The following POFUT1 variants were observed in gnomAD, a reference collection of about 807,000 sequenced individuals.
POFUT1 encodes GDP-fucose protein O-fucosyltransferase 1.
A neutral mutation model predicts 42.4 loss-of-function variants in POFUT1; 16 were observed. The ratio of observed to expected loss-of-function variants is 0.38; its 90% CI spans 0.26 to 0.57. POFUT1 has a LOEUF of 0.57. POFUT1 is among the 20% of genes least tolerant of loss of function. The probability of loss-of-function intolerance (pLI) is 0.71; values close to 1 mark genes in which losing one functional copy is unlikely to be tolerated. For missense variants in POFUT1, 470 were observed against 504.6 expected (o/e 0.93, Z 0.66); for synonymous variants, 206 against 205.4 (o/e 1.00, Z -0.03).
At position 32,216,531 on chromosome 20, in the gene POFUT1, C is replaced by G. The variant is rs146193137; in HGVS notation, c.430-78C>G. ...CTGAGTCACATCACCCAGCTTCCCC[C>G]ACCTACACTTCCCTGGCCCCATCCC... On this transcript the variant is annotated intron_variant, in intron 3 of 6. Transcript: ENST00000375749. 4,125 of 840,860 alleles carry G rather than the reference C, an allele frequency of 4.9e-3. 77 individuals are homozygous for G. The highest frequency in any genetic ancestry group is 0.037 in the South Asian group (2,569 of 70,254). 52.1% of individuals were successfully genotyped at this position (840,860 alleles called of 1,614,324 possible).
rs1337685205 is a variant in POFUT1, at chr20:32,215,298, G to C, written c.276G>C (p.Lys92Asn). The C allele has an allele frequency of 1.9e-6, 3 of 1,613,402 alleles. No individual in the cohort carries two copies. In the African/African-American group the frequency reaches 4.0e-5, roughly 22 times the overall value. The stretch of plus-strand genomic sequence containing the variant: ...ATGTGTCCTACCAGAAGTACTTCAA[G>C]CTGGAGCCCCTCCAGGCTTACCATC... Reference protein sequence around the residue: ...NLHVSYQKYFKLEPLQAYHRV... With the variant: ...NLHVSYQKYFNLEPLQAYHRV... Residue 92 changes from lysine to asparagine, a missense_variant, in exon 3 of 7, where the codon AAG (lysine) becomes AAC (asparagine). Lys to Asn is a moderately conservative substitution (Grantham distance 94). Transcript: ENST00000375749.
intron 4 of POFUT1, among the ~76,000 whole-genome samples, 166 bp from the exon 5 acceptor site, chr20:32,228,097 C>T (rs6058567): frequency 6.6e-6 from 1 of 152,198 alleles, no homozygotes; most frequent in Non-Finnish European, 1.5e-5. Flanking sequence ...ACCAAGGTTC[C>T]TTATCAGCCC....
chr20:32,222,515 A>G, intron 4 of POFUT1: 1 of 744,398 alleles, frequency 1.3e-6, no homozygotes, highest in East Asian at 1.3e-4. Flanking sequence ...ATTGGCTAGT[A>G]CGAGGGCACA....
At chr20:32,216,845 T>A (rs2047363899) in intron 4 of POFUT1, 124 bp downstream of exon 4, 1 of 1,423,026 alleles carries the variant, frequency 7.0e-7, no homozygotes, top group Middle Eastern at 1.9e-4. Context: ...GTGCAGGTGC[T>A]CTGTCTGTTG....
At chr20:32,213,135 C>G (rs2047339058) in intron 2 of POFUT1, among the ~76,000 whole-genome samples, 1 of 152,206 alleles carries the variant, frequency 6.6e-6, no homozygotes, top group Non-Finnish European at 1.5e-5. Flanking sequence ...ATCCATCCGC[C>G]TCAGCCTCCC....
At chr20:32,216,999 C>T in intron 4 of POFUT1, 1 of 1,613,118 alleles carries the variant, frequency 6.2e-7, no homozygotes, top group South Asian at 1.1e-5. Context: ...TCTCAATTTC[C>T]TCCTCTAGGC....
rs563809285 is a variant in POFUT1, at chr20:32,231,066, G to A, written c.978+5G>A. ...CAACAGCTCTTCAAAGGGAAGGTAT[G>A]TGTGGGCCAAGTGGGAGTGCAGTAG... On this transcript the variant is annotated splice_donor_5th_base_variant and intron_variant, in intron 6 of 6. Coordinates refer to ENST00000375749, the MANE Select transcript of POFUT1 (RefSeq NM_015352.2). 2 of 1,614,110 alleles carry A rather than the reference G, an allele frequency of 1.2e-6. No homozygotes were observed. Among genetic ancestry groups the A allele is most frequent in the Non-Finnish European group, 8.5e-7 (1 of 1,180,012 alleles).
In POFUT1 at chr20:32,217,721, C is replaced by T. The variant is rs1438463522; in HGVS notation, c.542+1000C>T. The T allele has an allele frequency of 3.0e-6, 3 of 985,292 alleles. No individual in the cohort carries two copies. In the African/African-American group the frequency reaches 5.2e-5, roughly 17 times the overall value. 61.0% of individuals were successfully genotyped at this position (985,292 alleles called of 1,614,324 possible). A position where few individuals can be genotyped will look rare whatever the true frequency, so the allele number is the denominator to read the frequency against. The stretch of plus-strand genomic sequence containing the variant: ...ACACTAAGCAGCCAGCCAGTGTTGG[C>T]TGTCAGTGTTATTACTCACATGCTT... On this transcript the variant is annotated intron_variant, in intron 4 of 6. Coordinates refer to ENST00000375749, the MANE Select transcript of POFUT1 (RefSeq NM_015352.2).
At chr20:32,223,256 T>C in intron 4 of POFUT1, 1 of 985,446 alleles carries the variant, frequency 1.0e-6, no homozygotes, top group East Asian at 1.1e-4. Flanking sequence ...GAGGTGGTGC[T>C]GGTCAAGATT....
chr20:32,228,266 T>G lies in POFUT1; in HGVS notation c.546T>G (p.Phe182Leu), dbSNP rs747113854. 1.2e-6 allele frequency: 2 copies of G among 1,612,908 alleles called. No individual in the cohort carries two copies. The highest frequency in any genetic ancestry group is 3.3e-5 in the Admixed American group (2 of 59,880). Residue 182 changes from phenylalanine (F) to leucine (L), a missense_variant, in exon 5 of 7, where the codon TTT becomes TTG. Physicochemically the swap from Phe to Leu is conservative, Grantham distance 22 (BLOSUM62 0). Coordinates refer to ENST00000375749, the MANE Select transcript of POFUT1 (RefSeq NM_015352.2). ...ASYREQWSQR[F>L]SPKEHPVLAL... is the part of the protein sequence containing the mutation. ...CCTCATTCCATCTCCTGTCTAGATT[T>G]TCTCCAAAGGAACATCCGGTGCTTG...
chr20:32,217,790 T>G, intron 4 of POFUT1: 1 of 964,718 alleles, frequency 1.0e-6, no homozygotes. Flanking sequence ...GTGGGTATTA[T>G]TATCAATTTC....
At chr20:32,226,452 C>CTGTGTGTG (rs33999719) in intron 4 of POFUT1, among the ~76,000 whole-genome samples, 1,641 of 147,720 alleles carry the variant, frequency 0.011, 43 homozygotes, top group Admixed American at 0.063. Flanking sequence ...GAGTGCATGC[C>CTGTGTGTG]TGTGTGTGTG....
chr20:32,215,252 T>C lies in POFUT1; in HGVS notation c.247-17T>C, dbSNP rs2047352900. The C allele has an allele frequency of 6.3e-7, 1 of 1,597,984 alleles. No homozygotes were observed. Among genetic ancestry groups the C allele is most frequent in the Non-Finnish European group, 8.6e-7 (1 of 1,166,678 alleles). ...GGGGGCACTGAGACGGGACCTCTGC[T>C]CCTCCTTTTCCTGTAGCTCCATGTG... On this transcript the variant is annotated splice_polypyrimidine_tract_variant and intron_variant, in intron 2 of 6. Coordinates refer to ENST00000375749, the MANE Select transcript of POFUT1 (RefSeq NM_015352.2).
chr20:32,223,457 AT>A (rs2047400094), intron 4 of POFUT1: 2 of 985,240 alleles, frequency 2.0e-6, no homozygotes, highest in Non-Finnish European at 2.4e-6. Flanking sequence ...CAAGTCTGGA[AT>A]TCACCGAAGG....
At chr20:32,211,388 C>T (rs548358207) in intron 2 of POFUT1, among the ~76,000 whole-genome samples, 1 of 152,228 alleles carries the variant, frequency 6.6e-6, no homozygotes, top group South Asian at 2.1e-4. Flanking sequence ...ATTCTCCTGC[C>T]TCAGCCTCCT....
intron 3 of POFUT1, 103 bp from the exon 4 acceptor site, chr20:32,216,506 C>A: frequency 1.4e-6 from 1 of 716,742 alleles, no homozygotes; most frequent in Non-Finnish European, 2.5e-6. Flanking sequence ...GTGTTTTGGC[C>A]TGAGTCACAT....
At chr20:32,217,416 T>G in intron 4 of POFUT1, 2 of 1,024,556 alleles carry the variant, frequency 2.0e-6, no homozygotes, top group Non-Finnish European at 2.3e-6. Context: ...ACATACTAAT[T>G]CATGTGCGGT....
At chr20:32,222,645 C>G in intron 4 of POFUT1, 4 of 985,394 alleles carry the variant, frequency 4.1e-6, no homozygotes, top group South Asian at 4.7e-5. Context: ...TGCCACGTAT[C>G]CAGCTGAAAA....
rs554005209 is a variant in POFUT1, at chr20:32,222,235, G to A, written c.542+5514G>A. Among the ~76,000 whole-genome samples the A allele has an allele frequency of 4.6e-5, 7 of 152,272 alleles. No homozygotes were observed. In the South Asian group the frequency reaches 8.3e-4, roughly 18 times the overall value. ...GGAGAATCACTTGAACCTGGGAGGC[G>A]GAGGTTGCAGTGAGCGGAGATCCTG... is the stretch of plus-strand genomic sequence containing the variant. On this transcript the variant is annotated intron_variant, in intron 4 of 6. Transcript: ENST00000375749.
Sources: gnomAD v4.1 joint callset for allele counts (sites outside exome capture counted in the v4.1 genomes callset) on GRCh38, gnomAD v4.1.1 for gene constraint, MANE v1.5 for transcripts, NCBI Gene and HGNC (gene_info 2026-07-23, HGNC 2026-07-21) for gene names.